TARBP1: variants seen among roughly 807,000 people sequenced by gnomAD.
TARBP1 encodes the protein tRNA guanosine 2 -O-methyltransferase TARBP1.
In TARBP1, 144 loss-of-function variants were observed where a neutral mutation model predicts 178.6. The ratio of observed to expected loss-of-function variants is 0.81; its 90% CI spans 0.70 to 0.93. The LOEUF is 0.93. TARBP1 is among the 40% of genes least tolerant of loss of function. The probability of loss-of-function intolerance (pLI) is 0.00; values close to 1 mark genes in which losing one functional copy is unlikely to be tolerated. For synonymous variants in TARBP1, 787 were observed against 781.0 expected (o/e 1.01, Z -0.13); for missense variants, 2,067 against 2,011.7 (o/e 1.03, Z -0.53).
intron 22 of TARBP1, among the ~76,000 whole-genome samples, chr1:234,413,143 C>T (rs1005431118): frequency 2.0e-5 from 3 of 152,050 alleles, no homozygotes; most frequent in East Asian, 1.9e-4. Flanking sequence ...AATATGTGAG[C>T]GAAGGAGCCA....
intron 23 of TARBP1, 67 bp downstream of exon 23, chr1:234,410,378 A>G (rs1452065418): frequency 1.0e-6 from 1 of 1,002,912 alleles, no homozygotes; most frequent in Admixed American, 2.5e-5. Context: ...CTACATATAA[A>G]AAATTGGTAC....
In TARBP1 at chr1:234,427,759, T is replaced by C. The variant is rs373057350; in HGVS notation, c.3068A>G (p.Tyr1023Cys). 27 of 1,413,876 alleles carry C rather than the reference T, an allele frequency of 1.9e-5. No individual in the cohort carries two copies. Among genetic ancestry groups the C allele is most frequent in the Non-Finnish European group, 2.2e-5 (24 of 1,080,294 alleles). The allele number at this position is 1,413,876 out of a possible 1,614,324, so 87.6% of individuals were successfully genotyped here. ...QAYFKIKEIM[Y>C]KIIEMSAIKT... ...TATAGCAGACATTTCAATTATCTTGTACATAATCTGGAATAAAATACAACC... is the reference window on the plus strand; with the variant it reads ...TATAGCAGACATTTCAATTATCTTGCACATAATCTGGAATAAAATACAACC... Residue 1023 changes from tyrosine (Y) to cysteine (C), a missense_variant, in exon 18 of 30, where the codon TAC becomes TGC. Coordinates refer to ENST00000040877, the MANE Select transcript of TARBP1 (RefSeq NM_005646.4).
chr1:234,460,367 T>A lies in TARBP1; in HGVS notation c.1429A>T (p.Met477Leu), dbSNP rs1231989578. 2 of 1,614,048 alleles carry A rather than the reference T, an allele frequency of 1.2e-6. No individual in the cohort carries two copies. Among genetic ancestry groups the A allele is most frequent in the African/African-American group, 2.7e-5 (2 of 74,948 alleles). ...ACAGCACACCAATGCCTACTTGTCA[T>A]CTTCCGAATAAACTTCAATAGGAAG... ...SSFLLKFIRK[M>L]TSRHWCAVPI... Residue 477 changes from methionine to leucine, a missense_variant, in exon 7 of 30, where the codon ATG becomes TTG. Physicochemically the swap from Met to Leu is conservative, Grantham distance 15. Coordinates refer to ENST00000040877, the MANE Select transcript of TARBP1 (RefSeq NM_005646.4).
Position 234,465,710 on chromosome 1 carries a change from TAAAAAAAAAAA to T in TARBP1, c.1249-13_1249-3del. 6 of 1,270,746 alleles carry T rather than the reference TAAAAAAAAAAA, an allele frequency of 4.7e-6. No homozygotes were observed. The highest frequency in any genetic ancestry group is 6.1e-6 in the Non-Finnish European group (6 of 989,274). 78.7% of individuals were successfully genotyped at this position (1,270,746 alleles called of 1,614,324 possible). The stretch of plus-strand genomic sequence containing the variant: ...ATCCATTAATGGTCCAATAATAAAC[TAAAAAAAAAAA>T]AAAAAAAAGACACGTAATTGAAACT... On this transcript the variant is annotated splice_polypyrimidine_tract_variant and splice_region_variant and intron_variant, in intron 4 of 29. Transcript: ENST00000040877.
intron 8 of TARBP1, among the ~76,000 whole-genome samples, chr1:234,458,161 T>A (rs773494004): frequency 2.6e-5 from 4 of 152,144 alleles, no homozygotes; most frequent in Non-Finnish European, 5.9e-5. Context: ...CTGGCTAATA[T>A]GGCAAAACCC....
intron 11 of TARBP1, among the ~76,000 whole-genome samples, chr1:234,447,394 C>CTTTTTTT (rs36066908): frequency 9.6e-6 from 1 of 104,626 alleles, no homozygotes; most frequent in East Asian, 2.9e-4. Context: ...TGTTAACCAA[C>CTTTTTTT]TTTTTTTTTT....
rs56105144 is a variant in TARBP1 at position 234,458,006 on chromosome 1, T to TA, written c.1633-251dup. Among the ~76,000 whole-genome samples the TA allele has an allele frequency of 1.8e-3, 262 of 143,502 alleles. 1 individual carries two copies. The highest frequency in any genetic ancestry group is 2.9e-3 in the South Asian group (13 of 4,560). 94.1% of individuals were successfully genotyped at this position (143,502 alleles called of 152,430 possible). On this transcript the variant is annotated intron_variant, in intron 8 of 29. Coordinates refer to ENST00000040877, the MANE Select transcript of TARBP1 (RefSeq NM_005646.4). ...ACTATCTTAAAGACAGTCACAATCTTAAAAAAAAAAAAAACACCATTCTAT... is the reference window on the plus strand; with the variant it reads ...ACTATCTTAAAGACAGTCACAATCTTAAAAAAAAAAAAAAACACCATTCTAT...
chr1:234,460,886 T>C (rs896981211), intron 6 of TARBP1, among the ~76,000 whole-genome samples: 1 of 152,200 alleles, frequency 6.6e-6, no homozygotes, highest in African/African-American at 2.4e-5. Flanking sequence ...ATACGTGCCA[T>C]AACAAGGATA....
At chr1:234,427,293 A>G (rs1357458509) in intron 19 of TARBP1, 24 bp downstream of exon 19, 1 of 1,553,840 alleles carries the variant, frequency 6.4e-7, no homozygotes. Context: ...TTATGTGAAG[A>G]CAGAGAAAAT....
At chr1:234,395,510 G>A (rs147747518) in intron 26 of TARBP1, among the ~76,000 whole-genome samples, 74 of 152,270 alleles carry the variant, frequency 4.9e-4, no homozygotes, top group African/African-American at 1.6e-3. Context: ...GGACAAGAAC[G>A]ACTTCCACGA....
rs538575037 is a variant in TARBP1 at position 234,410,588 on chromosome 1, C to T, written c.3706-57G>A. 4.4e-5 allele frequency: 50 copies of T among 1,134,816 alleles called. No homozygotes were observed. In the East Asian group the frequency reaches 6.2e-4, roughly 14 times the overall value. 70.3% of individuals were successfully genotyped at this position (1,134,816 alleles called of 1,614,324 possible). A position where few individuals can be genotyped will look rare whatever the true frequency, so the allele number is the denominator to read the frequency against. Reference sequence around the variant, plus strand: ...TTCAAAGCTTACTGTGAAACATGCACGTGAAAGCGCCGTGCTGGACTCTAT... The same window carrying T: ...TTCAAAGCTTACTGTGAAACATGCATGTGAAAGCGCCGTGCTGGACTCTAT... On this transcript the variant is annotated intron_variant, in intron 22 of 29. Transcript: ENST00000040877.
At chr1:234,461,941 G>A (rs185230672) in intron 6 of TARBP1, among the ~76,000 whole-genome samples, 9 of 152,248 alleles carry the variant, frequency 5.9e-5, no homozygotes, top group South Asian at 2.1e-4. Context: ...AGGATATTAC[G>A]CGGACTTTGT....
intron 20 of TARBP1, among the ~76,000 whole-genome samples, chr1:234,423,025 T>C (rs6676736): frequency 0.24 from 36,744 of 152,170 alleles, 4,707 homozygotes; most frequent in East Asian, 0.44. Flanking sequence ...CTTCTGATTC[T>C]GTAGACTGGG....
chr1:234,457,886 C>A, intron 8 of TARBP1, 130 bp from the exon 9 acceptor site: 1 of 533,826 alleles, frequency 1.9e-6, no homozygotes, highest in Non-Finnish European at 3.4e-6. Flanking sequence ...CAAAAGAAAG[C>A]AAATATCATT....
chr1:234,429,072 G>C, intron 17 of TARBP1, 64 bp downstream of exon 17: 1 of 1,412,262 alleles, frequency 7.1e-7, no homozygotes, highest in Non-Finnish European at 9.5e-7. Flanking sequence ...CAACTCTCAT[G>C]TTCCTCATGT....
intron 9 of TARBP1, among the ~76,000 whole-genome samples, chr1:234,454,873 G>A (rs1237936900): frequency 2.0e-5 from 3 of 152,172 alleles, no homozygotes; most frequent in Non-Finnish European, 4.4e-5. Flanking sequence ...ATTCTCAGAT[G>A]GGGACATTAT....
At chr1:234,422,623 T>TG (rs1413993816) in intron 20 of TARBP1, among the ~76,000 whole-genome samples, 1 of 152,070 alleles carries the variant, frequency 6.6e-6, no homozygotes, top group Admixed American at 6.6e-5. Flanking sequence ...GGTGTGGGGA[T>TG]GGCTAATGAG....
rs1253481034 is a variant in TARBP1 at position 234,478,666 on chromosome 1, G to C, written c.438C>G (p.Ala146=). 61 of 1,258,848 alleles carry C rather than the reference G, an allele frequency of 4.8e-5. No individual in the cohort carries two copies. In the East Asian group the frequency reaches 2.0e-3, roughly 42 times the overall value. 78.0% of individuals were successfully genotyped at this position (1,258,848 alleles called of 1,614,324 possible). Residue 146 remains alanine (A), a synonymous_variant, in exon 1 of 30, where the codon GCC becomes GCG. Transcript: ENST00000040877. Reference sequence around the variant, plus strand: ...CGCGGGGCCGCAAACATGGCCCGACGGCTGCTAGCACTTCCACGGCAGCCT... The same window carrying C: ...CGCGGGGCCGCAAACATGGCCCGACCGCTGCTAGCACTTCCACGGCAGCCT... ...GAEAAVEVLA[A]VGPCLRPRED...
chr1:234,465,232 T>A (rs115188926), intron 5 of TARBP1, among the ~76,000 whole-genome samples: 4 of 152,130 alleles, frequency 2.6e-5, no homozygotes. Flanking sequence ...TCAGGGAATA[T>A]GGGTGAAAGG....
Sources: allele counts gnomAD v4.1 joint callset (sites outside exome capture counted in the v4.1 genomes callset), GRCh38; gene constraint gnomAD v4.1.1; transcripts MANE v1.5; gene names NCBI Gene and HGNC (gene_info 2026-07-23, HGNC 2026-07-21).